The following ACBD6 variants were observed in gnomAD, a reference collection of about 807,000 sequenced individuals.
ACBD6 encodes the protein acyl-CoA binding domain containing 6.
ACBD6 carries 28 observed loss-of-function variants against 37.2 expected under a neutral mutation model. That is an observed-to-expected ratio of 0.75 (90% CI 0.56 to 1.03). The LOEUF is 1.03. ACBD6 is among the 50% of genes least tolerant of loss of function. The probability of loss-of-function intolerance (pLI) is 0.00; values close to 1 mark genes in which losing one functional copy is unlikely to be tolerated. For missense variants in ACBD6, 340 were observed against 337.4 expected (o/e 1.01, Z -0.06); for synonymous variants, 113 against 126.8 (o/e 0.89, Z 0.73).
intron 6 of ACBD6, among the ~76,000 whole-genome samples, chr1:180,348,624 G>T (rs1652283070): frequency 1.3e-5 from 2 of 152,204 alleles, no homozygotes; most frequent in African/African-American, 4.8e-5. Context: ...ATTGGTAGGT[G>T]TTAGTATGAA....
chr1:180,459,613 C>T (rs1316921885), intron 3 of ACBD6, among the ~76,000 whole-genome samples: 4 of 152,138 alleles, frequency 2.6e-5, no homozygotes. Context: ...AGTTTATAAC[C>T]TACACAGTAA....
intron 3 of ACBD6, among the ~76,000 whole-genome samples, 186 bp downstream of exon 3, chr1:180,492,082 TA>T: frequency 6.6e-6 from 1 of 152,298 alleles, no homozygotes; most frequent in African/African-American, 2.4e-5. Flanking sequence ...GTGCTGGGAT[TA>T]CAGGTATGAG....
chr1:180,397,885 T>A (rs1196355542), intron 5 of ACBD6, among the ~76,000 whole-genome samples: 1 of 152,070 alleles, frequency 6.6e-6, no homozygotes, highest in South Asian at 2.1e-4. Context: ...AAACCCTGTC[T>A]CTGCTAAAAA....
chr1:180,289,080 A>G (rs537596370), intron 7 of ACBD6, among the ~76,000 whole-genome samples: 1 of 151,866 alleles, frequency 6.6e-6, no homozygotes, highest in African/African-American at 2.4e-5. Flanking sequence ...TGTAACTGAT[A>G]AGTTCAAGGT....
intron 6 of ACBD6, among the ~76,000 whole-genome samples, chr1:180,366,844 G>A (rs923957775): frequency 5.3e-4 from 81 of 152,026 alleles, no homozygotes; most frequent in African/African-American, 1.7e-3. Flanking sequence ...AAATGCATCC[G>A]ATAGCTATGA....
intron 6 of ACBD6, among the ~76,000 whole-genome samples, chr1:180,363,838 T>G (rs1652936564): frequency 6.6e-6 from 1 of 151,912 alleles, no homozygotes; most frequent in South Asian, 2.1e-4. Context: ...AACCTTGAAT[T>G]CCATTAGAAA....
intron 7 of ACBD6, among the ~76,000 whole-genome samples, chr1:180,308,488 C>G (rs1650471394): frequency 6.6e-6 from 1 of 152,150 alleles, no homozygotes; most frequent in Non-Finnish European, 1.5e-5. Context: ...TTGAGGATTC[C>G]TGAAATAATC....
intron 8 of ACBD6, chr1:180,281,480 G>A (rs1395737762): frequency 6.6e-6 from 1 of 152,222 alleles, no homozygotes; most frequent in African/African-American, 2.4e-5. Flanking sequence ...CTTGAGAGGT[G>A]ATCCTCAATG....
chr1:180,445,329 AAAC>A (rs1439334647), intron 3 of ACBD6, among the ~76,000 whole-genome samples: 1 of 152,216 alleles, frequency 6.6e-6, no homozygotes, highest in Non-Finnish European at 1.5e-5. Context: ...TCTCTTGATA[AAAC>A]AACAACAAAT....
At chr1:180,310,765 G>T (rs1488433446) in intron 7 of ACBD6, among the ~76,000 whole-genome samples, 1 of 152,168 alleles carries the variant, frequency 6.6e-6, no homozygotes, top group Non-Finnish European at 1.5e-5. Context: ...GGCTGTAACA[G>T]TTGACACTCT....
chr1:180,496,161 G>A (rs1184039402), intron 1 of ACBD6, among the ~76,000 whole-genome samples: 1 of 151,990 alleles, frequency 6.6e-6, no homozygotes, highest in Non-Finnish European at 1.5e-5. Context: ...ATCCTCAACC[G>A]ACATTTGTAG....
intron 6 of ACBD6, among the ~76,000 whole-genome samples, chr1:180,342,609 CTATTA>C (rs1369398897): frequency 1.3e-5 from 2 of 151,982 alleles, no homozygotes; most frequent in Non-Finnish European, 2.9e-5. Flanking sequence ...AATACACTTA[CTATTA>C]TAATTATGAT....
At chr1:180,380,108 C>T (rs886512969) in intron 6 of ACBD6, among the ~76,000 whole-genome samples, 2 of 151,850 alleles carry the variant, frequency 1.3e-5, no homozygotes, top group Non-Finnish European at 2.9e-5. Context: ...AAAAAATAAA[C>T]AAGTCAGTTG....
intron 7 of ACBD6, among the ~76,000 whole-genome samples, chr1:180,302,018 A>T (rs1212554600): frequency 6.6e-6 from 1 of 151,802 alleles, no homozygotes; most frequent in Non-Finnish European, 1.5e-5. Flanking sequence ...GATAAATTTT[A>T]ACTTTTTATA....
chr1:180,295,899 C>T (rs1167581696), intron 7 of ACBD6, among the ~76,000 whole-genome samples: 1 of 152,038 alleles, frequency 6.6e-6, no homozygotes, highest in Admixed American at 6.6e-5. Flanking sequence ...AATCCTTTTA[C>T]TCAAGTAAAA....
Position 180,456,551 on chromosome 1 carries a change from G to A in ACBD6, c.385-26289C>T, listed in dbSNP as rs147233977. Among the ~76,000 whole-genome samples the A allele has an allele frequency of 1.7e-3, 263 of 152,292 alleles. 1 individual carries two copies. Among genetic ancestry groups the A allele is most frequent in the South Asian group, 6.4e-3 (31 of 4,832 alleles). ...TCCACCCTAAGAAAGCACATGAAAAGTGTAAACGTGATAGTTATAGGCACA... is the reference window on the plus strand; with the variant it reads ...TCCACCCTAAGAAAGCACATGAAAAATGTAAACGTGATAGTTATAGGCACA... On this transcript the variant is annotated intron_variant, in intron 3 of 7. Coordinates refer to ENST00000367595, the MANE Select transcript of ACBD6 (RefSeq NM_032360.4).
chr1:180,481,226 A>G (rs2102070711), intron 3 of ACBD6, among the ~76,000 whole-genome samples: 1 of 145,898 alleles, frequency 6.9e-6, no homozygotes, highest in South Asian at 2.3e-4. Flanking sequence ...GGCTTGGCCC[A>G]TGAAGGCGCT....
intron 4 of ACBD6, among the ~76,000 whole-genome samples, chr1:180,427,929 A>C (rs1446366677): frequency 6.6e-6 from 1 of 151,738 alleles, no homozygotes; most frequent in Non-Finnish European, 1.5e-5. Context: ...AAAAAAAAAA[A>C]AAAAACCAAA....
At position 180,395,194 on chromosome 1, in the gene ACBD6, G is replaced by A. The variant is rs187365755; in HGVS notation, c.663+2322C>T. 1.8e-3 allele frequency among the ~76,000 whole-genome samples: 275 copies of A among 152,244 alleles called. 1 individual carries two copies. The highest frequency in any genetic ancestry group is 0.013 in the South Asian group (62 of 4,826). ...TCTCCTGGGAACTGGTTGGATGATG[G>A]TGCCAATTATGGTGAGTAGTGGGCG... On this transcript the variant is annotated intron_variant, in intron 6 of 7. Coordinates refer to ENST00000367595, the MANE Select transcript of ACBD6 (RefSeq NM_032360.4).
Sources: gnomAD v4.1 joint callset for allele counts (sites outside exome capture counted in the v4.1 genomes callset) on GRCh38, gnomAD v4.1.1 for gene constraint, MANE v1.5 for transcripts, NCBI Gene and HGNC (gene_info 2026-07-23, HGNC 2026-07-21) for gene names.